The following PTPRK variants were observed in gnomAD, a reference collection of about 807,000 sequenced individuals.
The protein encoded by PTPRK is receptor-type tyrosine-protein phosphatase kappa.
PTPRK carries 75 observed loss-of-function variants against 178.0 expected under a neutral mutation model. That is an observed-to-expected ratio of 0.42 (90% CI 0.35 to 0.51). PTPRK has a LOEUF of 0.51. Ranked by LOEUF, PTPRK falls within the 20% of genes least tolerant of loss-of-function variation. PTPRK has a pLI of 0.02. For synonymous variants in PTPRK, 637 were observed against 620.6 expected (o/e 1.03, Z -0.39); for missense variants, 1,441 against 1,797.8 (o/e 0.80, Z 3.59).
chr6:128,342,969 T>C (rs1344695684), intron 2 of PTPRK, among the ~76,000 whole-genome samples: 1 of 151,960 alleles, frequency 6.6e-6, no homozygotes, highest in African/African-American at 2.4e-5. Flanking sequence ...TACAGAAAAT[T>C]TTCAAAGAAG....
chr6:128,307,614 T>C (rs1478925633), intron 3 of PTPRK, among the ~76,000 whole-genome samples: 1 of 151,974 alleles, frequency 6.6e-6, no homozygotes. Flanking sequence ...GCTTCCCAAT[T>C]GATAAGAAAC....
rs780556699 is a variant in PTPRK, at chr6:128,184,595, T to A, written c.999A>T (p.Thr333=). ...IILKEVEYRM[T]SGSWTETHAV... is the part of the protein sequence containing the mutation. ...CATGGGTTTCTGTCCAGGATCCTGA[T>A]GTCATTCGGTACTCTACTTCTTTCA... Residue 333 remains threonine (T), a synonymous_variant, in exon 7 of 30, where the codon ACA becomes ACT. Transcript: ENST00000368226. The A allele has an allele frequency of 6.2e-7, 1 of 1,614,040 alleles. No individual in the cohort carries two copies. The highest frequency in any genetic ancestry group is 1.1e-5 in the South Asian group (1 of 91,080).
Position 128,242,637 on chromosome 6 carries a change from A to C in PTPRK, c.496-35T>G, listed in dbSNP as rs1041325699. On this transcript the variant is annotated intron_variant, in intron 3 of 29. Transcript: ENST00000368226. ...AGAAACAGAAAATATTTACAACAAT[A>C]GTTTTCAAGGAATTTCTACAGTGGA... 4 of 1,604,334 alleles carry C rather than the reference A, an allele frequency of 2.5e-6. No homozygotes were observed. In the African/African-American group the frequency reaches 5.4e-5, roughly 22 times the overall value.
intron 22 of PTPRK, among the ~76,000 whole-genome samples, chr6:127,985,204 A>T (rs912187206): frequency 1.1e-4 from 17 of 152,128 alleles, no homozygotes; most frequent in African/African-American, 4.1e-4. Flanking sequence ...GTTTTTTGGC[A>T]TATATTTGCT....
intron 1 of PTPRK, chr6:128,491,844 CA>C (rs755540981): frequency 3.9e-6 from 2 of 513,976 alleles, no homozygotes; most frequent in Non-Finnish European, 7.8e-6. Context: ...ACCACAAGCA[CA>C]GACACTGAAA....
intron 13 of PTPRK, among the ~76,000 whole-genome samples, chr6:128,047,964 A>T (rs1215749821): frequency 6.6e-6 from 1 of 152,152 alleles, no homozygotes; most frequent in Non-Finnish European, 1.5e-5. Context: ...AACTTTCTGA[A>T]CACCATATCC....
At chr6:128,232,946 G>A (rs1367647068) in intron 5 of PTPRK, among the ~76,000 whole-genome samples, 3 of 152,178 alleles carry the variant, frequency 2.0e-5, no homozygotes, top group Non-Finnish European at 2.9e-5. Flanking sequence ...CACATATTAT[G>A]TATTTAATCA....
At position 128,410,900 on chromosome 6, in the gene PTPRK, T is replaced by C. The variant is rs1213263850; in HGVS notation, c.101-13212A>G. ...ACCAGCCTTACGTTTGTTTGTTTAT[T>C]TTCTTTTTGAGATGGGGTCTTTGTT... On this transcript the variant is annotated intron_variant, in intron 1 of 29. Transcript: ENST00000368226. Among the ~76,000 whole-genome samples the C allele has an allele frequency of 2.0e-5, 3 of 152,320 alleles. No homozygotes were observed. The East Asian group carries it at 5.8e-4, about 29-fold the overall frequency.
intron 15 of PTPRK, chr6:128,000,079 T>TAAA: frequency 6.2e-6 from 5 of 800,526 alleles, no homozygotes; most frequent in African/African-American, 2.0e-5. Context: ...ACTTACCACT[T>TAAA]AAAAAAAAAA....
intron 7 of PTPRK, among the ~76,000 whole-genome samples, chr6:128,112,371 T>C (rs1790816636): frequency 6.6e-6 from 1 of 152,104 alleles, no homozygotes; most frequent in African/African-American, 2.4e-5. Context: ...ATAACTTTCT[T>C]GGATGGAAAG....
intron 18 of PTPRK, among the ~76,000 whole-genome samples, chr6:127,993,611 A>G (rs967574227): frequency 4.6e-5 from 7 of 151,716 alleles, no homozygotes; most frequent in Non-Finnish European, 1.0e-4. Context: ...CTAAAATTTA[A>G]TAGCATGAGT....
intron 2 of PTPRK, among the ~76,000 whole-genome samples, chr6:128,383,931 T>C (rs549198791): frequency 1.3e-5 from 2 of 152,190 alleles, no homozygotes; most frequent in Non-Finnish European, 2.9e-5. Flanking sequence ...GTTAAATTAT[T>C]TCTTAGTCCC....
chr6:128,145,166 T>C (rs1796297079), intron 7 of PTPRK, among the ~76,000 whole-genome samples: 1 of 152,168 alleles, frequency 6.6e-6, no homozygotes, highest in Non-Finnish European at 1.5e-5. Flanking sequence ...TAAAAGGCAC[T>C]GCCTTTCAAG....
chr6:128,045,152 C>G (rs1431466376), intron 13 of PTPRK, among the ~76,000 whole-genome samples: 1 of 152,022 alleles, frequency 6.6e-6, no homozygotes, highest in Non-Finnish European at 1.5e-5. Flanking sequence ...TTCTTGAAAA[C>G]TTCCTATCTC....
intron 8 of PTPRK, among the ~76,000 whole-genome samples, chr6:128,086,905 A>G (rs1785946773): frequency 6.6e-6 from 1 of 152,098 alleles, no homozygotes; most frequent in African/African-American, 2.4e-5. Context: ...TAAAACTGGA[A>G]AAATTATTCA....
chr6:128,211,571 A>G (rs1808182138), intron 6 of PTPRK, among the ~76,000 whole-genome samples: 1 of 152,128 alleles, frequency 6.6e-6, no homozygotes. Flanking sequence ...TAAGGCTTCT[A>G]CATAACATTT....
chr6:128,087,013 C>T (rs1397258551), intron 8 of PTPRK, among the ~76,000 whole-genome samples: 4 of 151,752 alleles, frequency 2.6e-5, no homozygotes, highest in Admixed American at 6.6e-5. Context: ...TTTTACAAAA[C>T]TATTTTAGAT....
At chr6:128,052,151 G>A (rs950814063) in intron 13 of PTPRK, among the ~76,000 whole-genome samples, 5 of 152,064 alleles carry the variant, frequency 3.3e-5, no homozygotes, top group East Asian at 1.9e-4. Flanking sequence ...AACACACAAA[G>A]TTACAGAAAA....
chr6:128,233,216 A>G (rs1280552394), intron 5 of PTPRK, among the ~76,000 whole-genome samples: 2 of 152,258 alleles, frequency 1.3e-5, no homozygotes, highest in African/African-American at 2.4e-5. Flanking sequence ...GTCATCAGAA[A>G]GAGCACTGTG....
Sources: allele counts gnomAD v4.1 joint callset (sites outside exome capture counted in the v4.1 genomes callset), GRCh38; gene constraint gnomAD v4.1.1; transcripts MANE v1.5; gene names NCBI Gene and HGNC (gene_info 2026-07-23, HGNC 2026-07-21).